The following ARHGEF12 variants were observed in gnomAD, a reference collection of about 807,000 sequenced individuals.
ARHGEF12 encodes the protein KMT2A/ARHGEF12 fusion protein.
A neutral mutation model predicts 211.2 loss-of-function variants in ARHGEF12; 66 were observed. The ratio of observed to expected loss-of-function variants is 0.31; its 90% CI spans 0.26 to 0.38. The LOEUF (loss-of-function observed/expected upper bound fraction) is 0.38, where lower values mean the gene tolerates loss of function less well. Ranked by LOEUF, ARHGEF12 falls within the 10% of genes least tolerant of loss-of-function variation. ARHGEF12 has a pLI of 1.00. For missense variants in ARHGEF12, 1,429 were observed against 1,869.5 expected (o/e 0.76, Z 4.34); for synonymous variants, 592 against 638.4 (o/e 0.93, Z 1.09).
At chr11:120,392,939 A>T (rs1944266156) in intron 1 of ARHGEF12, among the ~76,000 whole-genome samples, 2 of 152,170 alleles carry the variant, frequency 1.3e-5, no homozygotes, top group South Asian at 4.1e-4. Context: ...GTTGCTACAG[A>T]TGGGGTTGGC....
chr11:120,384,714 T>C (rs959990793), intron 1 of ARHGEF12, among the ~76,000 whole-genome samples: 2 of 151,938 alleles, frequency 1.3e-5, no homozygotes, highest in African/African-American at 4.8e-5. Flanking sequence ...ACAGACAGAG[T>C]AGCATGAAGA....
intron 1 of ARHGEF12, among the ~76,000 whole-genome samples, chr11:120,355,793 A>G (rs1321478284): frequency 2.6e-5 from 4 of 152,212 alleles, no homozygotes; most frequent in Non-Finnish European, 5.9e-5. Flanking sequence ...TGTTACTCCA[A>G]ATGAAAATAT....
At chr11:120,417,146 A>G (rs1319983231) in intron 4 of ARHGEF12, among the ~76,000 whole-genome samples, 1 of 152,150 alleles carries the variant, frequency 6.6e-6, no homozygotes, top group East Asian at 1.9e-4. Context: ...GTGCAAACAT[A>G]GCAAACTCCT....
chr11:120,340,277 TAG>T (rs1179482877), intron 1 of ARHGEF12, among the ~76,000 whole-genome samples: 1 of 152,178 alleles, frequency 6.6e-6, no homozygotes, highest in African/African-American at 2.4e-5. Flanking sequence ...GCCCTTTTAG[TAG>T]ACTCAGTAAA....
chr11:120,484,558 A>C, intron 40 of ARHGEF12, 51 bp downstream of exon 40: 1 of 1,443,626 alleles, frequency 6.9e-7, no homozygotes, highest in Non-Finnish European at 9.6e-7. Flanking sequence ...CCTACACTGA[A>C]TGAAATGACT....
At chr11:120,445,870 G>T (rs2135809602) in intron 16 of ARHGEF12, among the ~76,000 whole-genome samples, 1 of 151,302 alleles carries the variant, frequency 6.6e-6, no homozygotes, top group East Asian at 2.0e-4. Flanking sequence ...TAACACTCCA[G>T]CCTGGGTGAT....
rs1945201728 is a variant in ARHGEF12 at position 120,421,849 on chromosome 11, C to G, written c.345C>G (p.Ile115Met). ...GAGTACAGACAGGTGATCGAATCAT[C>G]AAGGTAAGGAATAGGCTATTATAGA... ...RAGVQTGDRI[I>M]KVNGTLVTHS... Residue 115 changes from isoleucine to methionine, a missense_variant, in exon 6 of 41, where the codon ATC becomes ATG. This residue lies in a region of ARHGEF12 where 60 missense variants were observed against 121.0 expected (regional missense o/e 0.50). Transcript: ENST00000397843. The G allele has an allele frequency of 1.9e-6, 3 of 1,609,822 alleles. No homozygotes were observed. The highest frequency in any genetic ancestry group is 2.5e-6 in the Non-Finnish European group (3 of 1,177,734).
chr11:120,354,226 A>G (rs1943071387), intron 1 of ARHGEF12, among the ~76,000 whole-genome samples: 1 of 152,168 alleles, frequency 6.6e-6, no homozygotes, highest in South Asian at 2.1e-4. Flanking sequence ...CGGCCCAATT[A>G]CAGATAGGAA....
rs184134018 is a variant in ARHGEF12, at chr11:120,483,651, G to T, written c.4555-787G>T. 9.7e-3 allele frequency among the ~76,000 whole-genome samples: 1,475 copies of T among 151,912 alleles called. 9 individuals carry two copies. Among genetic ancestry groups the T allele is most frequent in the Middle Eastern group, 0.061 (18 of 294 alleles). Reference sequence around the variant, plus strand: ...ATTTTTTGAGACAGAGTCTTGCTCTGTCGCCCAGGCTGGAGTGCAGTGGCA... The same window carrying T: ...ATTTTTTGAGACAGAGTCTTGCTCTTTCGCCCAGGCTGGAGTGCAGTGGCA... On this transcript the variant is annotated intron_variant, in intron 39 of 40. Transcript: ENST00000397843.
In ARHGEF12 at chr11:120,447,960, T is replaced by C. The variant is rs1456703242; in HGVS notation, c.1622+54T>C. 3.6e-6 allele frequency: 5 copies of C among 1,377,830 alleles called. No individual in the cohort carries two copies. The East Asian group carries it at 1.2e-4, about 33-fold the overall frequency. The allele number at this position is 1,377,830 out of a possible 1,614,324, so 85.4% of individuals were successfully genotyped here. ...ATTTTAAGAAAAAAAGAACTATGTT[T>C]TTTTCCTTTCAGTCCTAAATTACAA... is the stretch of plus-strand genomic sequence containing the variant. On this transcript the variant is annotated intron_variant, in intron 19 of 40. Transcript: ENST00000397843.
chr11:120,448,374 T>C, intron 20 of ARHGEF12, 26 bp downstream of exon 20: 1 of 1,569,368 alleles, frequency 6.4e-7, no homozygotes, highest in Non-Finnish European at 8.8e-7. Context: ...TGTAATAGCA[T>C]GTTCAGGCCT....
chr11:120,339,432 G>A (rs1246878559), intron 1 of ARHGEF12, among the ~76,000 whole-genome samples: 4 of 152,126 alleles, frequency 2.6e-5, no homozygotes, highest in Admixed American at 2.0e-4. Context: ...CTTTCTGTCA[G>A]CCCTACCTCA....
In ARHGEF12 at chr11:120,370,211, G is replaced by A. The variant is rs150944877; in HGVS notation, c.32+32936G>A. 6.4e-3 allele frequency among the ~76,000 whole-genome samples: 969 copies of A among 152,164 alleles called. 10 individuals carry two copies. The highest frequency in any genetic ancestry group is 0.02 in the South Asian group (98 of 4,826). ...GGATTGAGTTTTATTCTTTCATGTG[G>A]AGAATCAGTCGTCTAGCCCCATTCA... On this transcript the variant is annotated intron_variant, in intron 1 of 40. Coordinates refer to ENST00000397843, the MANE Select transcript of ARHGEF12 (RefSeq NM_015313.3).
chr11:120,447,204 T>C (rs1176701474), intron 18 of ARHGEF12, 119 bp downstream of exon 18: 21 of 1,162,330 alleles, frequency 1.8e-5, no homozygotes, highest in Admixed American at 1.7e-4. Flanking sequence ...CCGTTTATTT[T>C]GTCATAGTAC....
chr11:120,374,511 G>A (rs1010646919), intron 1 of ARHGEF12, among the ~76,000 whole-genome samples: 2 of 152,162 alleles, frequency 1.3e-5, no homozygotes, highest in African/African-American at 4.8e-5. Flanking sequence ...GAGCTCTCCA[G>A]CTGATTTTTC....
At chr11:120,351,659 C>T (rs367573769) in intron 1 of ARHGEF12, among the ~76,000 whole-genome samples, 5 of 151,016 alleles carry the variant, frequency 3.3e-5, no homozygotes, top group East Asian at 2.0e-4. Flanking sequence ...TTAGTAGAGA[C>T]GGGGTTTCAC....
At chr11:120,410,783 C>T (rs1273701471) in intron 4 of ARHGEF12, 1 of 152,326 alleles carries the variant, frequency 6.6e-6, no homozygotes, top group Admixed American at 6.5e-5. Flanking sequence ...CAAGTTTACG[C>T]TTTTTCTTCC....
chr11:120,440,345 A>G (rs9666441), intron 13 of ARHGEF12, 124 bp downstream of exon 13: 156,273 of 778,026 alleles, frequency 0.2, 17,124 homozygotes, highest in Non-Finnish European at 0.23. Flanking sequence ...AAATCTTAGA[A>G]CCAATAGCTC....
At position 120,451,642 on chromosome 11, in the gene ARHGEF12, T is replaced by A; in HGVS notation, c.1974T>A (p.Ala658=). ...GGTTAGCAAATGAAGGAACAGACGC[T>A]GGATACCTGCCTGCCAATTCCATGT... ...QSGLANEGTD[A]GYLPANSMSS... is the part of the protein sequence containing the mutation. Residue 658 remains alanine, a synonymous_variant, in exon 22 of 41, where the codon GCT becomes GCA. Transcript: ENST00000397843. The A allele has an allele frequency of 6.2e-7, 1 of 1,614,120 alleles. No homozygotes were observed. Among genetic ancestry groups the A allele is most frequent in the Non-Finnish European group, 8.5e-7 (1 of 1,180,008 alleles).
Sources: gnomAD v4.1 joint callset for allele counts (sites outside exome capture counted in the v4.1 genomes callset) on GRCh38, gnomAD v4.1.1 for gene constraint, gnomAD v4.1.1 regional missense constraint, MANE v1.5 for transcripts, NCBI Gene and HGNC (gene_info 2026-07-23, HGNC 2026-07-21) for gene names.